Variants in HDAC5 observed in about 807,000 individuals in gnomAD.
HDAC5 encodes antigen NY-CO-9.
In HDAC5, 25 loss-of-function variants were observed where a neutral mutation model predicts 133.3. That is an observed-to-expected ratio of 0.19 (90% confidence interval 0.14 to 0.26). The LOEUF (loss-of-function observed/expected upper bound fraction) is 0.26. Among genes scored for constraint, HDAC5 ranks in the 10% least tolerant of loss-of-function variants. The pLI is 1.00. For missense variants in HDAC5, 1,041 were observed against 1,460.5 expected (o/e 0.71, Z 4.68); for synonymous variants, 589 against 610.8 (o/e 0.96, Z 0.53).
intron 2 of HDAC5, among the ~76,000 whole-genome samples, chr17:44,113,142 C>T (rs1362092716): frequency 6.6e-6 from 1 of 152,230 alleles, no homozygotes; most frequent in Non-Finnish European, 1.5e-5. Flanking sequence ...CCAGCTCTCT[C>T]TGCCTGCCCC....
chr17:44,092,090 A>G, intron 9 of HDAC5, 82 bp downstream of exon 9: 3 of 1,262,758 alleles, frequency 2.4e-6, no homozygotes, highest in Non-Finnish European at 3.4e-6. Flanking sequence ...TCAGGCAGAC[A>G]GACTGGAAGG....
At chr17:44,120,481 C>G (rs535915807) in intron 1 of HDAC5, 7 of 152,386 alleles carry the variant, frequency 4.6e-5, no homozygotes, top group Admixed American at 2.0e-4. Flanking sequence ...CGGCTCACGC[C>G]TGTAATCCCA....
chr17:44,093,497 T>C lies in HDAC5; in HGVS notation c.355-12A>G, dbSNP rs770645976. 2 of 1,604,566 alleles carry C rather than the reference T, an allele frequency of 1.2e-6. No homozygotes were observed. The highest frequency in any genetic ancestry group is 2.2e-5 in the East Asian group (1 of 44,734). ...ATCTCCTGCTGCTGCTGCAGGGGCA[T>C]GGGAACGGAGGCACAAGTGAGCCAG... On this transcript the variant is annotated splice_polypyrimidine_tract_variant and intron_variant, in intron 4 of 26. Coordinates refer to ENST00000682912, the MANE Select transcript of HDAC5 (RefSeq NM_005474.5).
chr17:44,083,215 C>T (rs2050479918), intron 18 of HDAC5, among the ~76,000 whole-genome samples: 1 of 152,132 alleles, frequency 6.6e-6, no homozygotes, highest in South Asian at 2.1e-4. Context: ...AAGCTATCTG[C>T]CCACCTCGGC....
rs568885087 is a variant in HDAC5, at chr17:44,102,274, A to C, written c.95-8440T>G. Among the ~76,000 whole-genome samples the C allele has an allele frequency of 1.5e-3, 235 of 152,362 alleles. 3 individuals are homozygous for C. Among genetic ancestry groups the C allele is most frequent in the African/African-American group, 5.1e-3 (213 of 41,584 alleles). ...CACCTTTTTAAAATCTGCACAAAAG[A>C]AGCTTTTATGTGGATTAGCAACGTT... On this transcript the variant is annotated intron_variant, in intron 3 of 26. Coordinates refer to ENST00000682912, the MANE Select transcript of HDAC5 (RefSeq NM_005474.5).
At chr17:44,107,699 T>G (rs1273088871) in intron 3 of HDAC5, among the ~76,000 whole-genome samples, 1 of 151,448 alleles carries the variant, frequency 6.6e-6, no homozygotes, top group Non-Finnish European at 1.5e-5. Flanking sequence ...CCCTGAGTCT[T>G]GCACTTCTTA....
chr17:44,111,365 C>G (rs1010167256), intron 2 of HDAC5: 1 of 343,102 alleles, frequency 2.9e-6, no homozygotes, highest in Non-Finnish European at 5.8e-6. Flanking sequence ...GCGGTTCTAC[C>G]CCAGGAGGAA....
intron 1 of HDAC5, among the ~76,000 whole-genome samples, chr17:44,121,539 T>G (rs1441573064): frequency 6.7e-6 from 1 of 148,816 alleles, no homozygotes; most frequent in African/African-American, 2.5e-5. Flanking sequence ...GTAGGAAGAA[T>G]TAATTATTAA....
At chr17:44,091,159 T>C (rs1437857566) in intron 11 of HDAC5, 111 bp downstream of exon 11, 1 of 832,802 alleles carries the variant, frequency 1.2e-6, no homozygotes, top group Non-Finnish European at 2.0e-6. Flanking sequence ...GTGGAAGAAA[T>C]CACTGATGCT....
chr17:44,082,940 CAT>C (rs2050465536), intron 18 of HDAC5, 120 bp from the exon 19 acceptor site: 5 of 842,668 alleles, frequency 5.9e-6, no homozygotes, highest in South Asian at 1.5e-5. Context: ...AAAGCAGATC[CAT>C]ATGTTTAATG....
At chr17:44,084,994 G>A (rs915152397) in intron 15 of HDAC5, 28 bp downstream of exon 15, 10 of 1,567,378 alleles carry the variant, frequency 6.4e-6, no homozygotes, top group African/African-American at 4.1e-5. Flanking sequence ...TTTAAGTTGA[G>A]AGCCAGAAGA....
intron 1 of HDAC5, among the ~76,000 whole-genome samples, chr17:44,118,787 G>A (rs904885704): frequency 7.9e-5 from 12 of 152,132 alleles, no homozygotes; most frequent in Non-Finnish European, 1.3e-4. Flanking sequence ...GAGCTGCTGC[G>A]AGTTTAAGCC....
intron 3 of HDAC5, among the ~76,000 whole-genome samples, chr17:44,096,301 C>A (rs2051267201): frequency 6.6e-6 from 1 of 152,068 alleles, no homozygotes; most frequent in Non-Finnish European, 1.5e-5. Context: ...GCTGGGAAGA[C>A]TCCTGTGGCA....
At chr17:44,114,248 G>C (rs571444788) in intron 2 of HDAC5, among the ~76,000 whole-genome samples, 2 of 152,314 alleles carry the variant, frequency 1.3e-5, no homozygotes, top group Non-Finnish European at 2.9e-5. Context: ...CATCTCAGTA[G>C]AGAAGGGAGG....
In HDAC5 at chr17:44,086,754, G is replaced by A. The variant is rs991099030; in HGVS notation, c.1885-17C>T. The A allele has an allele frequency of 7.0e-6, 9 of 1,288,032 alleles. No individual in the cohort carries two copies. 79.8% of individuals were successfully genotyped at this position (1,288,032 alleles called of 1,614,324 possible). A position where few individuals can be genotyped will look rare whatever the true frequency, so the allele number is the denominator to read the frequency against. ...TGAGAACAGCTGGAGGGGAGAATGG[G>A]AGGGGGCCTGGGTCAGACTCAGCCA... On this transcript the variant is annotated splice_polypyrimidine_tract_variant and intron_variant, in intron 13 of 26. Transcript: ENST00000682912.
intron 14 of HDAC5, among the ~76,000 whole-genome samples, chr17:44,085,873 C>T (rs1180908465): frequency 6.6e-6 from 1 of 152,112 alleles, no homozygotes; most frequent in Admixed American, 6.6e-5. Flanking sequence ...AACTCCTGGG[C>T]TCAAGTGATC....
intron 3 of HDAC5, among the ~76,000 whole-genome samples, chr17:44,101,275 G>A (rs2051588970): frequency 6.6e-6 from 1 of 151,052 alleles, no homozygotes; most frequent in Admixed American, 6.6e-5. Flanking sequence ...TGTGGTGGCA[G>A]GCCTGTATTC....
chr17:44,080,056 C>T (rs1205355425), intron 23 of HDAC5, 51 bp downstream of exon 23: 1 of 1,304,646 alleles, frequency 7.7e-7, no homozygotes, highest in South Asian at 1.2e-5. Context: ...CCTCACTGGA[C>T]TCGATATCCT....
chr17:44,078,476 G>C, intron 26 of HDAC5, 24 bp downstream of exon 26: 1 of 1,594,414 alleles, frequency 6.3e-7, no homozygotes, highest in Non-Finnish European at 8.6e-7. Flanking sequence ...TGAGGGCAGA[G>C]AGGTGGTGCG....
Sources: gnomAD v4.1 joint callset for allele counts (sites outside exome capture counted in the v4.1 genomes callset) on GRCh38, gnomAD v4.1.1 for gene constraint, MANE v1.5 for transcripts, NCBI Gene and HGNC (gene_info 2026-07-23, HGNC 2026-07-21) for gene names.